Variants in CTNNBIP1 observed in about 807,000 individuals in gnomAD.
CTNNBIP1 encodes beta-catenin-interacting protein 1.
A neutral mutation model predicts 11.8 loss-of-function variants in CTNNBIP1; 7 were observed. That is an observed-to-expected ratio of 0.60 (90% CI 0.34 to 1.12). The LOEUF (loss-of-function observed/expected upper bound fraction) is 1.12. Ranked by LOEUF, CTNNBIP1 falls within the 50% of genes most tolerant of loss-of-function variation. CTNNBIP1 has a pLI of 0.03. For missense variants in CTNNBIP1, 101 were observed against 113.4 expected (o/e 0.89, Z 0.50); for synonymous variants, 58 against 43.9 (o/e 1.32, Z -1.26).
At chr1:9,879,107 G>C (rs1314589545) in intron 2 of CTNNBIP1, among the ~76,000 whole-genome samples, 1 of 152,084 alleles carries the variant, frequency 6.6e-6, no homozygotes, top group East Asian at 1.9e-4. Flanking sequence ...TGAGGCAGGA[G>C]AATCGGTTGA....
At chr1:9,893,525 G>A (rs1452698946) in intron 1 of CTNNBIP1, among the ~76,000 whole-genome samples, 1 of 152,140 alleles carries the variant, frequency 6.6e-6, no homozygotes, top group African/African-American at 2.4e-5. Context: ...TTTACAAAAT[G>A]AAACCCAGGA....
intron 5 of CTNNBIP1, among the ~76,000 whole-genome samples, chr1:9,853,081 C>T (rs898083564): frequency 2.0e-5 from 3 of 152,230 alleles, no homozygotes; most frequent in South Asian, 2.1e-4. Context: ...CTACCCTTCC[C>T]ACACTGCCAG....
At chr1:9,885,525 TCA>T (rs1283147039) in intron 1 of CTNNBIP1, among the ~76,000 whole-genome samples, 1 of 151,734 alleles carries the variant, frequency 6.6e-6, no homozygotes, top group Non-Finnish European at 1.5e-5. Flanking sequence ...GCACTTGCAG[TCA>T]CAGTTATTCT....
chr1:9,864,992 G>A (rs1420927067), intron 5 of CTNNBIP1, among the ~76,000 whole-genome samples: 1 of 152,174 alleles, frequency 6.6e-6, no homozygotes, highest in Non-Finnish European at 1.5e-5. Context: ...ACCTTGGGAG[G>A]CCAAGGTGGG....
Position 9,871,266 on chromosome 1 carries a change from G to A in CTNNBIP1, c.108C>T (p.Ser36=), listed in dbSNP as rs765598833. The change falls in exon 5 of 6, where the codon AGC becomes AGT. Residue 36 remains serine, a synonymous_variant. Transcript: ENST00000377263. The surrounding 1 kb of genome is among the most constrained non-coding windows in gnomAD (Gnocchi z 5.2). The part of the protein sequence containing the change: ...LRKMGSNLTA[S]EEEFLRTYAG... ...CATAGGTGCGCAGGAACTCCTCCTCGCTGGCTGTCAGCTGCAGGGTGAGAG... is the reference window on the plus strand; with the variant it reads ...CATAGGTGCGCAGGAACTCCTCCTCACTGGCTGTCAGCTGCAGGGTGAGAG... The A allele has an allele frequency of 1.1e-5, 17 of 1,569,604 alleles. No homozygotes were observed. Among genetic ancestry groups the A allele is most frequent in the East Asian group, 2.3e-5 (1 of 43,282 alleles).
At chr1:9,903,030 G>A (rs796898016) in intron 1 of CTNNBIP1, among the ~76,000 whole-genome samples, 4 of 152,374 alleles carry the variant, frequency 2.6e-5, no homozygotes, top group African/African-American at 7.2e-5. Flanking sequence ...CTCCCAAAGT[G>A]CTGGGATTAC....
chr1:9,906,558 T>TA lies in CTNNBIP1; in HGVS notation c.-144+3536dup, dbSNP rs945307923. ...TGGGCAACAAGAGCAAAACTCCATC[T>TA]AAAAAAAAAAATAATAATAAAGAGC... On this transcript the variant is annotated intron_variant, in intron 1 of 5. Transcript: ENST00000377263. 1.1e-3 allele frequency among the ~76,000 whole-genome samples: 161 copies of TA among 146,588 alleles called. 1 individual carries two copies. The East Asian group carries it at 0.018, about 17-fold the overall frequency.
intron 1 of CTNNBIP1, among the ~76,000 whole-genome samples, chr1:9,885,283 A>G (rs1011697629): frequency 6.6e-6 from 1 of 152,160 alleles, no homozygotes; most frequent in Non-Finnish European, 1.5e-5. Context: ...GATGGGGAGA[A>G]GCAAGTGGAA....
intron 2 of CTNNBIP1, among the ~76,000 whole-genome samples, chr1:9,882,908 G>A (rs1639113299): frequency 1.3e-5 from 2 of 152,310 alleles, no homozygotes; most frequent in Admixed American, 1.3e-4. Flanking sequence ...AGGGTTCCAG[G>A]GCCAGAATCG....
rs1283146744 is a variant in CTNNBIP1, at chr1:9,849,830, C to T, written c.*888G>A. On this transcript the variant is annotated 3_prime_UTR_variant, in exon 6 of 6. Coordinates refer to ENST00000377263, the MANE Select transcript of CTNNBIP1 (RefSeq NM_020248.3). Reference sequence around the variant, plus strand: ...TCATGCAGGCAGTGCACATAAATCCCGCCTAACGGTTACCTCTAGGCCCTG... The same window carrying T: ...TCATGCAGGCAGTGCACATAAATCCTGCCTAACGGTTACCTCTAGGCCCTG... 5 of 152,226 alleles carry T rather than the reference C, an allele frequency of 3.3e-5. No homozygotes were observed. Among genetic ancestry groups the T allele is most frequent in the Non-Finnish European group, 5.9e-5 (4 of 68,076 alleles). 9.4% of individuals were successfully genotyped at this position (152,226 alleles called of 1,614,324 possible).
chr1:9,903,025 A>G (rs990987489), intron 1 of CTNNBIP1, among the ~76,000 whole-genome samples: 3 of 152,174 alleles, frequency 2.0e-5, no homozygotes, highest in Non-Finnish European at 2.9e-5. Context: ...TTGGCCTCCC[A>G]AAGTGCTGGG....
At chr1:9,859,761 C>T (rs2101447648) in intron 5 of CTNNBIP1, among the ~76,000 whole-genome samples, 1 of 152,374 alleles carries the variant, frequency 6.6e-6, no homozygotes, top group South Asian at 2.1e-4. Flanking sequence ...AAGGGCATTT[C>T]ACAGACCTGG....
At chr1:9,905,149 T>C (rs1217815239) in intron 1 of CTNNBIP1, among the ~76,000 whole-genome samples, 4 of 152,186 alleles carry the variant, frequency 2.6e-5, no homozygotes, top group African/African-American at 7.2e-5. Flanking sequence ...AAAGTTCCCA[T>C]GCAGTGACTT....
chr1:9,897,230 GGATCAC>G (rs1557765459), intron 1 of CTNNBIP1, among the ~76,000 whole-genome samples: 1 of 151,966 alleles, frequency 6.6e-6, no homozygotes, highest in African/African-American at 2.4e-5. Context: ...CGAGGCGGGC[GGATCAC>G]GAGGTCAGGA....
Position 9,851,522 on chromosome 1 carries a change from C to T in CTNNBIP1, c.188-746G>A, listed in dbSNP as rs1053587689. 2.6e-5 allele frequency among the ~76,000 whole-genome samples: 4 copies of T among 152,076 alleles called. No individual in the cohort carries two copies. Among genetic ancestry groups the T allele is most frequent in the African/African-American group, 7.2e-5 (3 of 41,402 alleles). ...AGTAGCTGGGATTACAGGTGTGCATCACCACGCCCGGCTAATTTTTTTGTA... is the reference window on the plus strand; with the variant it reads ...AGTAGCTGGGATTACAGGTGTGCATTACCACGCCCGGCTAATTTTTTTGTA... On this transcript the variant is annotated intron_variant, in intron 5 of 5. Coordinates refer to ENST00000377263, the MANE Select transcript of CTNNBIP1 (RefSeq NM_020248.3). The surrounding 1 kb of genome is among the most constrained non-coding windows in gnomAD (Gnocchi z 4.8).
At chr1:9,894,772 G>A (rs746933381) in intron 1 of CTNNBIP1, among the ~76,000 whole-genome samples, 7 of 151,700 alleles carry the variant, frequency 4.6e-5, no homozygotes, top group Non-Finnish European at 8.8e-5. Context: ...ACAGAGTCTC[G>A]CTCTGTCACC....
chr1:9,875,159 A>G (rs1370194196), intron 3 of CTNNBIP1, among the ~76,000 whole-genome samples: 1 of 152,172 alleles, frequency 6.6e-6, no homozygotes, highest in Non-Finnish European at 1.5e-5. Context: ...CGACGTGGGA[A>G]GCAGATCACT....
At chr1:9,865,848 C>T (rs1033018860) in intron 5 of CTNNBIP1, among the ~76,000 whole-genome samples, 5 of 152,122 alleles carry the variant, frequency 3.3e-5, no homozygotes, top group African/African-American at 1.2e-4. Context: ...AAAATCACTA[C>T]GCATTAGAGG....
chr1:9,878,107 A>G (rs17034420), intron 2 of CTNNBIP1, 118 bp from the exon 3 acceptor site: 24,910 of 152,418 alleles, frequency 0.16, 5,767 homozygotes, highest in African/African-American at 0.51. Flanking sequence ...CGGGAAGCTC[A>G]TGGAGCTGGG....
Sources: allele counts gnomAD v4.1 joint callset (sites outside exome capture counted in the v4.1 genomes callset), GRCh38; gene constraint gnomAD v4.1.1; non-coding constraint Gnocchi (gnomAD v3.1); transcripts MANE v1.5; gene names NCBI Gene and HGNC (gene_info 2026-07-23, HGNC 2026-07-21).